The following XIRP2 variants were observed in gnomAD, a reference collection of about 807,000 sequenced individuals.
The protein encoded by XIRP2 is xin actin-binding repeat-containing protein 2.
XIRP2 carries 236 observed loss-of-function variants against 277.0 expected under a neutral mutation model. That is an observed-to-expected ratio of 0.85 (90% confidence interval 0.77 to 0.95). The LOEUF is 0.95. Among genes scored for constraint, XIRP2 ranks in the 40% least tolerant of loss-of-function variants. The probability of loss-of-function intolerance (pLI) is 0.00; values close to 1 mark genes in which losing one functional copy is unlikely to be tolerated. For missense variants in XIRP2, 4,640 were observed against 4,157.5 expected (o/e 1.12, Z -3.19); for synonymous variants, 1,490 against 1,416.5 (o/e 1.05, Z -1.17).
At chr2:166,901,656 T>C (rs1684389832) in intron 1 of XIRP2, among the ~76,000 whole-genome samples, 1 of 152,092 alleles carries the variant, frequency 6.6e-6, no homozygotes, top group Non-Finnish European at 1.5e-5. Flanking sequence ...GTTAATGTGG[T>C]CTTTTCTGTC....
intron 10 of XIRP2, among the ~76,000 whole-genome samples, chr2:167,256,214 T>A (rs1327135797): frequency 6.6e-6 from 1 of 151,634 alleles, no homozygotes; most frequent in African/African-American, 2.4e-5. Flanking sequence ...TTTTATTATA[T>A]AGTTTTTTCT....
intron 2 of XIRP2, among the ~76,000 whole-genome samples, chr2:166,922,725 C>T (rs1329324263): frequency 6.6e-6 from 1 of 151,360 alleles, no homozygotes; most frequent in Non-Finnish European, 1.5e-5. Flanking sequence ...CACTGCACTC[C>T]AGCCTGGGCA....
At chr2:166,907,097 A>C (rs928781191) in intron 2 of XIRP2, among the ~76,000 whole-genome samples, 1 of 152,184 alleles carries the variant, frequency 6.6e-6, no homozygotes, top group Non-Finnish European at 1.5e-5. Flanking sequence ...TTCCAAAATG[A>C]ACACAACCTA....
chr2:167,130,608 A>G (rs1265530930), intron 2 of XIRP2, among the ~76,000 whole-genome samples: 2 of 152,204 alleles, frequency 1.3e-5, no homozygotes, highest in African/African-American at 4.8e-5. Flanking sequence ...AGTTTCACCA[A>G]GATCTCCAGT....
intron 3 of XIRP2, among the ~76,000 whole-genome samples, chr2:167,206,960 C>T (rs979833063): frequency 2.0e-5 from 3 of 151,970 alleles, no homozygotes; most frequent in Non-Finnish European, 4.4e-5. Context: ...GATTGTGAAC[C>T]CAGACACAGT....
At chr2:167,140,908 C>T (rs899188198) in intron 3 of XIRP2, 1 of 152,076 alleles carries the variant, frequency 6.6e-6, no homozygotes, top group Non-Finnish European at 1.5e-5. Context: ...AAAACACATT[C>T]CAGAGTTAAG....
At chr2:167,229,945 C>A (rs1694705254) in intron 5 of XIRP2, among the ~76,000 whole-genome samples, 1 of 151,986 alleles carries the variant, frequency 6.6e-6, no homozygotes, top group Non-Finnish European at 1.5e-5. Context: ...TCCTGGGTAT[C>A]TACTTAGGCA....
chr2:167,142,731 A>G (rs556061337), intron 3 of XIRP2, among the ~76,000 whole-genome samples: 23 of 152,142 alleles, frequency 1.5e-4, no homozygotes, highest in Non-Finnish European at 2.4e-4. Context: ...GTGACTGTCA[A>G]TGCTCCAAAA....
At position 167,248,398 on chromosome 2, in the gene XIRP2, G is replaced by T. The variant is rs550681431; in HGVS notation, c.7006G>T (p.Ala2336Ser). The change falls in exon 9 of 11, where the codon GCT (alanine) becomes TCT (serine). Residue 2336 changes from alanine to serine, a missense_variant. By Grantham distance (99) the Ala-to-Ser change is moderately conservative (BLOSUM62 1). Transcript: ENST00000409195. ...LPSLSTEKIK[A>S]EFESFPGLPL... is the part of the protein sequence containing the mutation. ...CTCACTGTCCACAGAGAAGATAAAG[G>T]CTGAATTTGAAAGTTTTCCAGGCCT... is the stretch of plus-strand genomic sequence containing the variant. The T allele has an allele frequency of 6.8e-6, 11 of 1,613,518 alleles. No homozygotes were observed. The Admixed American group carries it at 1.3e-4, about 20-fold the overall frequency.
chr2:167,016,532 A>G (rs970262477), intron 2 of XIRP2, among the ~76,000 whole-genome samples: 5 of 151,990 alleles, frequency 3.3e-5, no homozygotes, highest in Admixed American at 2.0e-4. Context: ...GAACTTCTGC[A>G]TAGACACTTG....
rs1186801333 is a variant in XIRP2, at chr2:167,248,459, A to G, written c.7067A>G (p.Glu2356Gly). Residue 2356 changes from glutamate (E) to glycine (G), a missense_variant, in exon 9 of 11, where the codon GAA (glutamate) becomes GGA (glycine). Physicochemically the swap from Glu to Gly is moderately conservative, Grantham distance 98. Transcript: ENST00000409195. ...CCACCTCCAGTAGATGAGAAATCTG[A>G]AAGAGAAAGTTCATCGATGTTTCTG... ...LPPPPVDEKS[E>G]RESSSMFLPP... 19 of 1,613,528 alleles carry G rather than the reference A, an allele frequency of 1.2e-5. No individual in the cohort carries two copies. The highest frequency in any genetic ancestry group is 1.6e-5 in the Non-Finnish European group (19 of 1,179,762).
chr2:167,121,238 A>G (rs1228082556), intron 2 of XIRP2, among the ~76,000 whole-genome samples: 1 of 152,214 alleles, frequency 6.6e-6, no homozygotes, highest in Non-Finnish European at 1.5e-5. Context: ...ATTCCATCTA[A>G]GCATTATTAA....
At position 167,082,717 on chromosome 2, in the gene XIRP2, GT is replaced by G. The variant is rs539761156; in HGVS notation, c.409-53186del. On this transcript the variant is annotated intron_variant, in intron 2 of 10. Coordinates refer to ENST00000409195, the MANE Select transcript of XIRP2 (RefSeq NM_152381.6). ...GCCACTGATGAGCATTTTTTCATGT[GT>G]TTTTTGGCTGCATAAATGTCTTCTT... is the stretch of plus-strand genomic sequence containing the variant. Among the ~76,000 whole-genome samples the G allele has an allele frequency of 1.8e-3, 270 of 152,204 alleles. 3 individuals are homozygous for G. Among genetic ancestry groups the G allele is most frequent in the African/African-American group, 5.7e-3 (236 of 41,516 alleles).
At chr2:167,187,332 G>A (rs904871656) in intron 3 of XIRP2, 16 of 985,140 alleles carry the variant, frequency 1.6e-5, no homozygotes, top group East Asian at 1.1e-4. Flanking sequence ...TCCTTTAGAC[G>A]CTCTGCTAAA....
intron 2 of XIRP2, among the ~76,000 whole-genome samples, chr2:167,028,282 A>C (rs1688230572): frequency 6.6e-6 from 1 of 152,042 alleles, no homozygotes; most frequent in Admixed American, 6.6e-5. Context: ...AAACCTCAAG[A>C]TAGTATGTAT....
Position 167,246,277 on chromosome 2 carries a change from G to A in XIRP2, c.4885G>A (p.Glu1629Lys). ...TEREILISEEEKGNVNLTKTQ... is the reference protein window; with the variant it reads ...TEREILISEEKKGNVNLTKTQ... ...AAGAGAGATTTTGATTAGTGAAGAA[G>A]AGAAGGGAAATGTTAATTTGACTAA... is the stretch of plus-strand genomic sequence containing the variant. The change falls in exon 9 of 11, where the codon GAG becomes AAG. Residue 1629 changes from glutamate to lysine, a missense_variant. Coordinates refer to ENST00000409195, the MANE Select transcript of XIRP2 (RefSeq NM_152381.6). 6.2e-7 allele frequency: 1 copy of A among 1,613,460 alleles called. No homozygotes were observed. The highest frequency in any genetic ancestry group is 8.5e-7 in the Non-Finnish European group (1 of 1,179,712).
rs762989671 is a variant in XIRP2, at chr2:167,259,148, A to G, written c.*1331A>G. On this transcript the variant is annotated 3_prime_UTR_variant, in exon 11 of 11. Transcript: ENST00000409195. ...AGATTCTGTAGATCAAATTAAAAAT[A>G]TGCCATGCTTGGATTTAAGGGAATT... 2 of 1,612,834 alleles carry G rather than the reference A, an allele frequency of 1.2e-6. No homozygotes were observed. Among genetic ancestry groups the G allele is most frequent in the Non-Finnish European group, 1.7e-6 (2 of 1,179,410 alleles).
intron 2 of XIRP2, among the ~76,000 whole-genome samples, chr2:167,035,334 C>A (rs1388089222): frequency 1.3e-5 from 2 of 152,124 alleles, no homozygotes; most frequent in Admixed American, 6.6e-5. Context: ...TGTTGAATGC[C>A]TTTGTTGAAA....
At chr2:167,175,527 A>T (rs1474234900) in intron 3 of XIRP2, among the ~76,000 whole-genome samples, 2 of 152,088 alleles carry the variant, frequency 1.3e-5, no homozygotes, top group Non-Finnish European at 2.9e-5. Context: ...CCAGAGGGGC[A>T]CCTGCCAGAT....
Sources: allele counts gnomAD v4.1 joint callset (sites outside exome capture counted in the v4.1 genomes callset), GRCh38; gene constraint gnomAD v4.1.1; transcripts MANE v1.5; gene names NCBI Gene and HGNC (gene_info 2026-07-23, HGNC 2026-07-21).